The following GRID1 variants were observed in gnomAD, a reference collection of about 807,000 sequenced individuals.
The protein encoded by GRID1 is glutamate receptor ionotropic, delta-1.
A neutral mutation model predicts 98.0 loss-of-function variants in GRID1; 28 were observed. The ratio of observed to expected loss-of-function variants is 0.29; its 90% CI spans 0.21 to 0.39. GRID1 has a LOEUF of 0.39. GRID1 is among the 10% of genes least tolerant of loss of function. The probability of loss-of-function intolerance (pLI) is 1.00; values close to 1 mark genes in which losing one functional copy is unlikely to be tolerated. For synonymous variants in GRID1, 553 were observed against 538.5 expected (o/e 1.03, Z -0.37); for missense variants, 1,111 against 1,340.5 (o/e 0.83, Z 2.67).
At chr10:85,790,737 G>A (rs561674900) in intron 8 of GRID1, among the ~76,000 whole-genome samples, 1 of 152,270 alleles carries the variant, frequency 6.6e-6, no homozygotes, top group African/African-American at 2.4e-5. Flanking sequence ...CTATGATTGG[G>A]CATCTGAGAC....
At chr10:86,138,663 C>T (rs1487385310) in intron 4 of GRID1, among the ~76,000 whole-genome samples, 156 bp downstream of exon 4, 3 of 152,206 alleles carry the variant, frequency 2.0e-5, no homozygotes, top group African/African-American at 7.2e-5. Context: ...TCAGAGAATC[C>T]CCCCTTACAG....
chr10:86,086,960 C>A (rs1013654193), intron 4 of GRID1, among the ~76,000 whole-genome samples: 1 of 152,246 alleles, frequency 6.6e-6, no homozygotes, highest in Non-Finnish European at 1.5e-5. Context: ...AAGAGCTGTA[C>A]ATACATGCAC....
intron 3 of GRID1, among the ~76,000 whole-genome samples, chr10:86,186,909 G>A (rs184725507): frequency 4.5e-4 from 68 of 152,318 alleles, no homozygotes; most frequent in Admixed American, 3.1e-3. Flanking sequence ...GCAAACTGAG[G>A]TAGAGAGACT....
intron 4 of GRID1, among the ~76,000 whole-genome samples, chr10:85,994,974 T>G (rs1175065859): frequency 6.6e-6 from 1 of 152,246 alleles, no homozygotes; most frequent in Non-Finnish European, 1.5e-5. Context: ...TTAACCTTCA[T>G]AGACACTGTT....
intron 12 of GRID1, among the ~76,000 whole-genome samples, chr10:85,682,595 C>A (rs1476623106): frequency 6.6e-6 from 1 of 152,232 alleles, no homozygotes; most frequent in Non-Finnish European, 1.5e-5. Context: ...ACTCACTTTG[C>A]CACTCTCTCC....
intron 4 of GRID1, among the ~76,000 whole-genome samples, chr10:86,061,762 G>T (rs1346279688): frequency 6.6e-6 from 1 of 152,184 alleles, no homozygotes; most frequent in African/African-American, 2.4e-5. Flanking sequence ...TCCACCTGGA[G>T]TGCTCCCATT....
At chr10:85,903,690 C>T (rs1242434029) in intron 5 of GRID1, among the ~76,000 whole-genome samples, 1 of 152,192 alleles carries the variant, frequency 6.6e-6, no homozygotes, top group East Asian at 1.9e-4. Flanking sequence ...TGGCCTCCTG[C>T]CATGCCTCTA....
In GRID1 at chr10:85,979,565, A is replaced by G. The variant is rs546754023; in HGVS notation, c.727-63326T>C. On this transcript the variant is annotated intron_variant, in intron 4 of 15. Coordinates refer to ENST00000327946, the MANE Select transcript of GRID1 (RefSeq NM_017551.3). ...TCTTCACATCATCTTCCCTCTGTGT[A>G]TGTCCTGAATACAAATGTCTCCTTT... 1.6e-4 allele frequency among the ~76,000 whole-genome samples: 24 copies of G among 152,280 alleles called. No individual in the cohort carries two copies. The South Asian group carries it at 2.9e-3, about 18-fold the overall frequency.
intron 2 of GRID1, among the ~76,000 whole-genome samples, chr10:86,276,387 C>T (rs1181158013): frequency 6.6e-6 from 1 of 152,176 alleles, no homozygotes; most frequent in Non-Finnish European, 1.5e-5. Context: ...CCAATTATAT[C>T]AGCAATGACT....
At chr10:85,609,488 A>G (rs1459224499) in intron 15 of GRID1, among the ~76,000 whole-genome samples, 1 of 152,230 alleles carries the variant, frequency 6.6e-6, no homozygotes, top group African/African-American at 2.4e-5. Flanking sequence ...CAAACTCTTT[A>G]CATGCAGTTG....
intron 12 of GRID1, chr10:85,650,034 T>C (rs534308785): frequency 3.3e-5 from 5 of 152,114 alleles, no homozygotes; most frequent in South Asian, 4.2e-4. Context: ...TATTCCAGGG[T>C]GAATAAACTT....
At chr10:86,074,527 CATA>C (rs1354459051) in intron 4 of GRID1, among the ~76,000 whole-genome samples, 1 of 152,150 alleles carries the variant, frequency 6.6e-6, no homozygotes, top group Admixed American at 6.5e-5. Context: ...TTGCAAATGA[CATA>C]ATTTCATTCT....
At chr10:86,146,636 C>T (rs751173815) in intron 3 of GRID1, among the ~76,000 whole-genome samples, 14 of 152,218 alleles carry the variant, frequency 9.2e-5, no homozygotes, top group Admixed American at 2.6e-4. Flanking sequence ...CTCTTCCTCC[C>T]TTCCCGCCCT....
At chr10:85,659,236 T>A (rs993860146) in intron 12 of GRID1, among the ~76,000 whole-genome samples, 17 of 152,066 alleles carry the variant, frequency 1.1e-4, no homozygotes, top group African/African-American at 4.1e-4. Flanking sequence ...CATGTAAGAG[T>A]GTATACTCAA....
intron 8 of GRID1, among the ~76,000 whole-genome samples, chr10:85,844,940 T>A (rs1842992907): frequency 6.6e-6 from 1 of 151,930 alleles, no homozygotes; most frequent in Non-Finnish European, 1.5e-5. Flanking sequence ...TCAAGGGAAT[T>A]GTCTTAATCT....
intron 8 of GRID1, among the ~76,000 whole-genome samples, chr10:85,773,920 A>G (rs1210421981): frequency 6.6e-6 from 1 of 152,234 alleles, no homozygotes; most frequent in Non-Finnish European, 1.5e-5. Context: ...TATAGATTCA[A>G]TGCCATTCCC....
At position 85,948,130 on chromosome 10, in the gene GRID1, A is replaced by T. The variant is rs111267611; in HGVS notation, c.727-31891T>A. ...TCTTGGGTTTAAATAGTAATGTACC[A>T]TTGTCAGTGTCTTCGTTTTGACAAA... On this transcript the variant is annotated intron_variant, in intron 4 of 15. Transcript: ENST00000327946. Among the ~76,000 whole-genome samples the T allele has an allele frequency of 2.7e-3, 408 of 152,366 alleles. 2 individuals carry two copies. Among genetic ancestry groups the T allele is most frequent in the African/African-American group, 9.5e-3 (395 of 41,598 alleles).
At chr10:86,241,418 A>G (rs376261389) in intron 2 of GRID1, among the ~76,000 whole-genome samples, 124 of 152,178 alleles carry the variant, frequency 8.1e-4, no homozygotes, top group Middle Eastern at 3.4e-3. Flanking sequence ...GGGGCCCCCT[A>G]CAGCCGCAGG....
At chr10:86,236,212 A>C (rs1369230529) in intron 2 of GRID1, among the ~76,000 whole-genome samples, 1 of 152,190 alleles carries the variant, frequency 6.6e-6, no homozygotes, top group Non-Finnish European at 1.5e-5. Context: ...ATCTATACAA[A>C]TCTTTTGCCC....
Sources: gnomAD v4.1 joint callset for allele counts (sites outside exome capture counted in the v4.1 genomes callset) on GRCh38, gnomAD v4.1.1 for gene constraint, MANE v1.5 for transcripts, NCBI Gene and HGNC (gene_info 2026-07-23, HGNC 2026-07-21) for gene names.